The following RBFOX3 variants were observed in gnomAD, a reference collection of about 807,000 sequenced individuals.
RBFOX3 encodes RNA binding fox-1 homolog 3, also known as RNA binding protein fox-1 homolog 3.
Under a neutral mutation model 48.7 loss-of-function variants are expected in RBFOX3, and 17 were observed. The observed-to-expected ratio is 0.35, with a 90% CI of 0.24 to 0.52. The LOEUF is 0.52. Among genes scored for constraint, RBFOX3 ranks in the 20% least tolerant of loss-of-function variants. The pLI, the probability that RBFOX3 is intolerant of heterozygous loss-of-function variation, is 0.94. For missense variants in RBFOX3, 382 were observed against 497.5 expected, an observed-to-expected ratio of 0.77 and a Z score of 2.21; for synonymous variants, 212 against 209.5, an observed-to-expected ratio of 1.01 and a Z score of -0.10.
intron 2 of RBFOX3, among the ~76,000 whole-genome samples, chr17:79,408,279 G>A (rs564254272): frequency 6.6e-5 from 10 of 152,304 alleles, no homozygotes; most frequent in South Asian, 4.1e-4. Flanking sequence ...GTGCCCCACC[G>A]AGGACAGCTT....
Position 79,103,380 on chromosome 17 carries a change from G to C in RBFOX3, c.415-126C>G. 1 of 688,848 alleles carries C rather than the reference G, an allele frequency of 1.5e-6. No homozygotes were observed. Among genetic ancestry groups the C allele is most frequent in the Non-Finnish European group, 2.6e-6 (1 of 388,472 alleles). 42.7% of individuals were successfully genotyped at this position (688,848 alleles called of 1,614,324 possible). A position where few individuals can be genotyped will look rare whatever the true frequency, so the allele number is the denominator to read the frequency against. On this transcript the variant is annotated intron_variant, in intron 7 of 14. Coordinates refer to ENST00000693108, the MANE Select transcript of RBFOX3 (RefSeq NM_001350451.2). The surrounding 1 kb of genome is among the most constrained non-coding windows in gnomAD (Gnocchi z 6.1). The stretch of plus-strand genomic sequence containing the variant: ...AGTGGGGAGAGAGAGAGAAGGGGTT[G>C]AGTCAGGTGAGTTGAGGCAGAGACG...
intron 1 of RBFOX3, among the ~76,000 whole-genome samples, chr17:79,610,544 C>A (rs961221484): frequency 6.6e-6 from 1 of 152,100 alleles, no homozygotes; most frequent in Non-Finnish European, 1.5e-5. Flanking sequence ...GACCCCCGGG[C>A]CTTCCCATTC....
intron 4 of RBFOX3, among the ~76,000 whole-genome samples, chr17:79,132,163 C>G (rs550432224): frequency 6.6e-6 from 1 of 151,546 alleles, no homozygotes; most frequent in Non-Finnish European, 1.5e-5. Context: ...ACCAACAGTT[C>G]CCAGCTCCCA....
chr17:79,245,414 CT>C (rs1350336929), intron 3 of RBFOX3, among the ~76,000 whole-genome samples: 1 of 152,000 alleles, frequency 6.6e-6, no homozygotes, highest in African/African-American at 2.4e-5. Flanking sequence ...TTGGAAGCCA[CT>C]TTTTTGGTTT....
intron 2 of RBFOX3, among the ~76,000 whole-genome samples, chr17:79,430,168 A>G (rs970112857): frequency 2.4e-4 from 37 of 152,272 alleles, no homozygotes; most frequent in African/African-American, 8.7e-4. Context: ...CTTCAGAGAA[A>G]AGGTGTTTGA....
intron 2 of RBFOX3, among the ~76,000 whole-genome samples, chr17:79,310,767 C>A (rs1186523876): frequency 6.6e-6 from 1 of 152,210 alleles, no homozygotes; most frequent in Non-Finnish European, 1.5e-5. Flanking sequence ...ACATCTAATG[C>A]AAGTTAGGAG....
chr17:79,194,222 G>C (rs1017014352), intron 4 of RBFOX3, among the ~76,000 whole-genome samples: 2 of 152,154 alleles, frequency 1.3e-5, no homozygotes, highest in Non-Finnish European at 2.9e-5. Flanking sequence ...CAGCTCTTTA[G>C]GGCCTTAGTG....
intron 1 of RBFOX3, among the ~76,000 whole-genome samples, chr17:79,566,782 C>T (rs2092470387): frequency 6.6e-6 from 1 of 152,222 alleles, no homozygotes; most frequent in Non-Finnish European, 1.5e-5. Flanking sequence ...ACATCCAGCA[C>T]CTTCAGCCGA....
chr17:79,330,183 C>T (rs1293634477), intron 2 of RBFOX3, among the ~76,000 whole-genome samples: 1 of 152,336 alleles, frequency 6.6e-6, no homozygotes, highest in Non-Finnish European at 1.5e-5. Context: ...AGTTTAACCC[C>T]GCTGTGGGAC....
rs545938423 is a variant in RBFOX3, at chr17:79,252,949, T to G, written c.-73-17144A>C. 5.2e-4 allele frequency among the ~76,000 whole-genome samples: 79 copies of G among 152,102 alleles called. No individual in the cohort carries two copies. The highest frequency in any genetic ancestry group is 1.9e-3 in the African/African-American group (78 of 41,486). The stretch of plus-strand genomic sequence containing the variant: ...CAGCCCCCTAAACCCGCAGCCTTCT[T>G]TGCCGTCTACACTCAGCAAAGTCAA... On this transcript the variant is annotated intron_variant, in intron 3 of 14. Coordinates refer to ENST00000693108, the MANE Select transcript of RBFOX3 (RefSeq NM_001350451.2). The surrounding 1 kb of genome is among the most constrained non-coding windows in gnomAD (Gnocchi z 4.0).
chr17:79,493,532 C>T lies in RBFOX3; in HGVS notation c.-319-10934G>A, dbSNP rs767815466. Reference sequence around the variant, plus strand: ...CCATCACATCTCTCAGATCCCACTCCCAGGGTCTTCGGTCTTCAATGAGAG... The same window carrying T: ...CCATCACATCTCTCAGATCCCACTCTCAGGGTCTTCGGTCTTCAATGAGAG... On this transcript the variant is annotated intron_variant, in intron 1 of 14. Coordinates refer to ENST00000693108, the MANE Select transcript of RBFOX3 (RefSeq NM_001350451.2). Among the ~76,000 whole-genome samples the T allele has an allele frequency of 2.6e-3, 389 of 152,268 alleles. 1 individual carries two copies. Among genetic ancestry groups the T allele is most frequent in the Middle Eastern group, 0.01 (3 of 294 alleles).
the RBFOX3 span, among the ~76,000 whole-genome samples, chr17:79,634,214 G>A: frequency 1.3e-5 from 2 of 152,224 alleles, no homozygotes; most frequent in Admixed American, 1.3e-4. Flanking sequence ...GAAGGAGACA[G>A]GTAAGAACTG....
At chr17:79,372,930 G>C (rs2058750046) in intron 2 of RBFOX3, among the ~76,000 whole-genome samples, 1 of 152,214 alleles carries the variant, frequency 6.6e-6, no homozygotes, top group African/African-American at 2.4e-5. Flanking sequence ...CAGGGCAGAA[G>C]GTGGGCGGGG....
chr17:79,230,410 C>A (rs1277045592), intron 4 of RBFOX3, among the ~76,000 whole-genome samples: 1 of 152,052 alleles, frequency 6.6e-6, no homozygotes, highest in Non-Finnish European at 1.5e-5. Flanking sequence ...CAGTCACCCG[C>A]CACCATACCC....
At chr17:79,365,892 G>A (rs1232550969) in intron 2 of RBFOX3, among the ~76,000 whole-genome samples, 13 of 152,210 alleles carry the variant, frequency 8.5e-5, no homozygotes, top group Admixed American at 5.9e-4. Context: ...CTGGGTGCCC[G>A]GTAACCATGG....
At chr17:79,386,821 C>T (rs1287517064) in intron 2 of RBFOX3, among the ~76,000 whole-genome samples, 1 of 152,242 alleles carries the variant, frequency 6.6e-6, no homozygotes, top group East Asian at 1.9e-4. Context: ...CTCTACCCAC[C>T]CCGCCTAGTG....
At chr17:79,354,691 G>A (rs1274457376) in intron 2 of RBFOX3, among the ~76,000 whole-genome samples, 1 of 152,262 alleles carries the variant, frequency 6.6e-6, no homozygotes, top group Non-Finnish European at 1.5e-5. Context: ...TGTGGGGGGA[G>A]AGGAGCCCTC....
At chr17:79,270,939 G>A (rs1463279253) in intron 3 of RBFOX3, among the ~76,000 whole-genome samples, 1 of 152,044 alleles carries the variant, frequency 6.6e-6, no homozygotes, top group Non-Finnish European at 1.5e-5. Context: ...TGCTAGGGCT[G>A]GATTCAGATT....
At chr17:79,154,155 T>G (rs768923522) in intron 4 of RBFOX3, among the ~76,000 whole-genome samples, 1 of 129,832 alleles carries the variant, frequency 7.7e-6, no homozygotes, top group African/African-American at 2.9e-5. Context: ...CCTGGCTGGC[T>G]CCAGCCACCA....
Sources: allele counts gnomAD v4.1 joint callset (sites outside exome capture counted in the v4.1 genomes callset), GRCh38; gene constraint gnomAD v4.1.1; non-coding constraint Gnocchi (gnomAD v3.1); transcripts MANE v1.5; gene names NCBI Gene and HGNC (gene_info 2026-07-23, HGNC 2026-07-21).